The following CSMD1 variants were observed in gnomAD, a reference collection of about 807,000 sequenced individuals.
The protein encoded by CSMD1 is CUB and Sushi multiple domains 1, also known as CUB and sushi domain-containing protein 1.
In CSMD1, 213 loss-of-function variants were observed where a neutral mutation model predicts 417.5. The observed-to-expected ratio is 0.51, with a 90% CI of 0.46 to 0.57. CSMD1 has a LOEUF of 0.57. CSMD1 is among the 20% of genes least tolerant of loss of function. The pLI is 0.00. For synonymous variants in CSMD1, 2,862 were observed against 1,736.8 expected, an observed-to-expected ratio of 1.65 and a Z score of -16.11; for missense variants, 6,923 against 4,529.7, an observed-to-expected ratio of 1.53 and a Z score of -15.17.
At chr8:3,441,000 A>G (rs529963538) in intron 12 of CSMD1, among the ~76,000 whole-genome samples, 1 of 152,156 alleles carries the variant, frequency 6.6e-6, no homozygotes. Context: ...CTGAGATTAG[A>G]TCATCCTGGA....
intron 2 of CSMD1, among the ~76,000 whole-genome samples, chr8:4,454,640 G>A (rs185312146): frequency 1.3e-5 from 2 of 152,280 alleles, no homozygotes; most frequent in Non-Finnish European, 1.5e-5. Context: ...AAGAGACTAA[G>A]GCTTCAGTGC....
At chr8:4,301,288 G>T (rs901653665) in intron 3 of CSMD1, among the ~76,000 whole-genome samples, 1 of 152,152 alleles carries the variant, frequency 6.6e-6, no homozygotes, top group Non-Finnish European at 1.5e-5. Context: ...CAAGCAAAAT[G>T]CCTTGAGCAT....
rs1433401928 is a variant in CSMD1 at position 4,193,010 on chromosome 8, C to T, written c.416-160911G>A. Among the ~76,000 whole-genome samples the T allele has an allele frequency of 4.6e-5, 7 of 152,326 alleles. No homozygotes were observed. The South Asian group carries it at 1.4e-3, about 32-fold the overall frequency. On this transcript the variant is annotated intron_variant, in intron 3 of 69. Coordinates refer to ENST00000635120, the MANE Select transcript of CSMD1 (RefSeq NM_033225.6). Reference sequence around the variant, plus strand: ...ATCAAATGCAATCATATCTTTGTAACTCAGGAACTGATCTTGGAATATCTT... The same window carrying T: ...ATCAAATGCAATCATATCTTTGTAATTCAGGAACTGATCTTGGAATATCTT...
At chr8:4,940,689 T>G (rs1807937996) in intron 1 of CSMD1, among the ~76,000 whole-genome samples, 1 of 152,178 alleles carries the variant, frequency 6.6e-6, no homozygotes, top group Non-Finnish European at 1.5e-5. Context: ...CCTTACAAGA[T>G]CAAATCAACC....
chr8:3,116,177 T>C (rs539046237), intron 42 of CSMD1, among the ~76,000 whole-genome samples: 2 of 152,362 alleles, frequency 1.3e-5, no homozygotes, highest in East Asian at 1.9e-4. Flanking sequence ...GAAAAGGATA[T>C]TAAACACACA....
chr8:3,730,515 G>A (rs1447140457), intron 6 of CSMD1, among the ~76,000 whole-genome samples: 1 of 152,008 alleles, frequency 6.6e-6, no homozygotes, highest in Non-Finnish European at 1.5e-5. Context: ...TTTGGCCCCA[G>A]GTTAGTGGTA....
Position 4,994,597 on chromosome 8 carries a change from G to A in CSMD1, c.-181C>T. ...GCGCCCGGCTCGCTTCCCTCTCATAGCATCGGGTCCCGAGCCACTGCAGGG... is the reference window on the plus strand; with the variant it reads ...GCGCCCGGCTCGCTTCCCTCTCATAACATCGGGTCCCGAGCCACTGCAGGG... On this transcript the variant is annotated 5_prime_UTR_variant, in exon 1 of 70. Transcript: ENST00000635120. 1.6e-6 allele frequency: 1 copy of A among 610,584 alleles called. No homozygotes were observed. The highest frequency in any genetic ancestry group is 2.9e-6 in the Non-Finnish European group (1 of 339,348). The allele number at this position is 610,584 out of a possible 1,614,324, so 37.8% of individuals were successfully genotyped here.
chr8:4,731,687 A>G (rs1809877542), intron 1 of CSMD1, among the ~76,000 whole-genome samples: 1 of 152,140 alleles, frequency 6.6e-6, no homozygotes, highest in South Asian at 2.1e-4. Flanking sequence ...GAAGACTAGC[A>G]CTGTTTCAAA....
chr8:3,881,112 A>T (rs1034921235), intron 5 of CSMD1, among the ~76,000 whole-genome samples: 14 of 152,188 alleles, frequency 9.2e-5, no homozygotes, highest in African/African-American at 3.1e-4. Context: ...TATTGACTGA[A>T]ATTAAGAAGA....
intron 26 of CSMD1, among the ~76,000 whole-genome samples, chr8:3,282,042 G>A: frequency 6.6e-6 from 1 of 152,044 alleles, no homozygotes; most frequent in East Asian, 1.9e-4. Context: ...GTTTCCTGAG[G>A]CCCTCCCAGC....
intron 6 of CSMD1, among the ~76,000 whole-genome samples, chr8:3,750,719 G>A (rs1053773657): frequency 2.0e-5 from 3 of 152,046 alleles, no homozygotes; most frequent in Non-Finnish European, 4.4e-5. Context: ...GATCTTACTC[G>A]CAAAAAACCA....
At chr8:3,053,423 G>C (rs924013393) in intron 49 of CSMD1, among the ~76,000 whole-genome samples, 1 of 152,128 alleles carries the variant, frequency 6.6e-6, no homozygotes, top group Admixed American at 6.5e-5. Flanking sequence ...GCTCTGAAAA[G>C]TCTTCCCTTT....
chr8:4,752,426 C>G (rs1203397244), intron 1 of CSMD1, among the ~76,000 whole-genome samples: 1 of 152,110 alleles, frequency 6.6e-6, no homozygotes, highest in Non-Finnish European at 1.5e-5. Context: ...GAACTTGTGA[C>G]TGATTGTTTC....
intron 26 of CSMD1, among the ~76,000 whole-genome samples, chr8:3,242,205 C>G (rs35166120): frequency 0.76 from 115,251 of 151,246 alleles, 44,412 homozygotes; most frequent in South Asian, 0.83. Flanking sequence ...GTAAGCTGGA[C>G]CAGGTGTGAG....
At chr8:4,313,420 C>T (rs1024447064) in intron 3 of CSMD1, among the ~76,000 whole-genome samples, 8 of 150,470 alleles carry the variant, frequency 5.3e-5, no homozygotes, top group Non-Finnish European at 7.4e-5. Flanking sequence ...AGATGCCTGA[C>T]GGGACCCCTG....
chr8:3,132,639 G>T (rs1166408775), intron 41 of CSMD1, among the ~76,000 whole-genome samples: 2 of 152,182 alleles, frequency 1.3e-5, no homozygotes, highest in Non-Finnish European at 2.9e-5. Flanking sequence ...ATTATTCTGA[G>T]AAACTGCAGA....
chr8:4,499,918 G>T (rs1023186097), intron 2 of CSMD1, among the ~76,000 whole-genome samples: 3 of 152,172 alleles, frequency 2.0e-5, no homozygotes, highest in African/African-American at 7.2e-5. Context: ...TGATGGCTGA[G>T]ATGTGAGAAT....
intron 1 of CSMD1, among the ~76,000 whole-genome samples, chr8:4,951,496 G>T (rs143812237): frequency 0.015 from 2,303 of 149,264 alleles, 25 homozygotes; most frequent in South Asian, 0.027. Flanking sequence ...ACAGAACAGG[G>T]AAAGGGAAAG....
chr8:4,102,751 TG>T (rs1801370823), intron 3 of CSMD1, among the ~76,000 whole-genome samples: 1 of 152,206 alleles, frequency 6.6e-6, no homozygotes, highest in Non-Finnish European at 1.5e-5. Flanking sequence ...CAGATATTTT[TG>T]AATTTAATTA....
Sources: allele counts gnomAD v4.1 joint callset (sites outside exome capture counted in the v4.1 genomes callset), GRCh38; gene constraint gnomAD v4.1.1; transcripts MANE v1.5; gene names NCBI Gene and HGNC (gene_info 2026-07-23, HGNC 2026-07-21).